Variants in CTSS observed in about 807,000 individuals in gnomAD.
CTSS encodes the protein cathepsin S.
A neutral mutation model predicts 39.9 loss-of-function variants in CTSS; 15 were observed. The observed-to-expected ratio is 0.38, with a 90% CI of 0.25 to 0.58. The LOEUF is 0.58. Among genes scored for constraint, CTSS ranks in the 20% least tolerant of loss-of-function variants. The probability of loss-of-function intolerance (pLI) is 0.70; values close to 1 mark genes in which losing one functional copy is unlikely to be tolerated. For missense variants in CTSS, 250 were observed against 398.2 expected, an observed-to-expected ratio of 0.63 and a Z score of 3.17; for synonymous variants, 126 against 138.2, an observed-to-expected ratio of 0.91 and a Z score of 0.62.
At chr1:150,748,416 C>G (rs587726294) in intron 6 of CTSS, 1 of 152,268 alleles carries the variant, frequency 6.6e-6, no homozygotes, top group East Asian at 1.9e-4. Flanking sequence ...ATAGTTCCCC[C>G]AGAAACCTTC....
Position 150,759,445 on chromosome 1 carries a change from G to T in CTSS, c.127-1465C>A, listed in dbSNP as rs1057397505. Among the ~76,000 whole-genome samples the T allele has an allele frequency of 9.2e-4, 139 of 151,738 alleles. 1 individual carries two copies. The highest frequency in any genetic ancestry group is 3.3e-3 in the African/African-American group (137 of 41,348). ...CATATATTTTTCTTTTTATTTCTAG[G>T]TGCTGCATTCTGGGTGAATTCCTCA... On this transcript the variant is annotated intron_variant, in intron 2 of 7. Transcript: ENST00000368985.
intron 2 of CTSS, among the ~76,000 whole-genome samples, chr1:150,762,317 T>C (rs1653283589): frequency 6.6e-6 from 1 of 152,066 alleles, no homozygotes; most frequent in African/African-American, 2.4e-5. Flanking sequence ...TGAAACTATA[T>C]ACAACCACTA....
intron 2 of CTSS, among the ~76,000 whole-genome samples, chr1:150,762,715 A>T (rs902593639): frequency 3.9e-5 from 6 of 152,202 alleles, no homozygotes; most frequent in Non-Finnish European, 7.3e-5. Flanking sequence ...AAGTAAAACC[A>T]CAATGAGATA....
intron 7 of CTSS, among the ~76,000 whole-genome samples, chr1:150,739,481 C>T (rs587637857): frequency 6.6e-6 from 1 of 151,932 alleles, no homozygotes; most frequent in Non-Finnish European, 1.5e-5. Flanking sequence ...GAAGCTCAGG[C>T]GGGTAGATGA....
intron 7 of CTSS, among the ~76,000 whole-genome samples, chr1:150,739,955 G>A (rs1195585414): frequency 6.6e-6 from 1 of 152,218 alleles, no homozygotes; most frequent in Non-Finnish European, 1.5e-5. Flanking sequence ...ATCACATTGA[G>A]TTGCAATGGA....
At chr1:150,748,498 T>C (rs770284909) in intron 6 of CTSS, among the ~76,000 whole-genome samples, 2 of 152,154 alleles carry the variant, frequency 1.3e-5, no homozygotes, top group Non-Finnish European at 2.9e-5. Flanking sequence ...TAAACTTGCA[T>C]ACAATCAGTT....
chr1:150,750,887 C>T (rs1652993753), intron 5 of CTSS, among the ~76,000 whole-genome samples: 1 of 152,102 alleles, frequency 6.6e-6, no homozygotes, highest in Admixed American at 6.6e-5. Flanking sequence ...AGCAATCCTC[C>T]CACCTCGACC....
chr1:150,751,714 CCAGCA>C (rs1319611760), intron 5 of CTSS, 62 bp downstream of exon 5: 1 of 1,435,658 alleles, frequency 7.0e-7, no homozygotes, highest in Non-Finnish European at 9.8e-7. Flanking sequence ...GGTGGCAAGC[CCAGCA>C]CAGTCAGTCA....
chr1:150,753,328 A>C (rs1355245801), intron 4 of CTSS, among the ~76,000 whole-genome samples: 1 of 152,238 alleles, frequency 6.6e-6, no homozygotes, highest in Non-Finnish European at 1.5e-5. Context: ...CTAAAGGAAA[A>C]TACAACAGCA....
chr1:150,744,590 T>C (rs1485373531), intron 7 of CTSS, among the ~76,000 whole-genome samples: 1 of 124,982 alleles, frequency 8.0e-6, no homozygotes, highest in Non-Finnish European at 1.6e-5. Context: ...TTATATATTA[T>C]ATATGTATAT....
intron 7 of CTSS, among the ~76,000 whole-genome samples, chr1:150,744,604 GTATTA>G (rs587655505): frequency 1.1e-3 from 127 of 112,544 alleles, no homozygotes; most frequent in Admixed American, 2.4e-3. Flanking sequence ...TGTATATTAT[GTATTA>G]TATTATATAT....
intron 7 of CTSS, 135 bp downstream of exon 7, chr1:150,747,642 C>A (rs1652916574): frequency 1.5e-6 from 1 of 648,700 alleles, no homozygotes; most frequent in South Asian, 1.9e-5. Context: ...TTTAGAATGT[C>A]ACTTTGTAAG....
At position 150,732,747 on chromosome 1, in the gene CTSS, A is replaced by G; in HGVS notation, c.*299T>C. On this transcript the variant is annotated 3_prime_UTR_variant, in exon 8 of 8. Transcript: ENST00000368985. ...CTCAGCCTCCCAAGTAGCTGGGATT[A>G]CAGGCATGCACCACCGTGCTCGGCT... The G allele has an allele frequency of 4.9e-6, 1 of 203,408 alleles. No homozygotes were observed. Among genetic ancestry groups the G allele is most frequent in the Non-Finnish European group, 1.0e-5 (1 of 99,846 alleles). The allele number at this position is 203,408 out of a possible 1,614,324, so 12.6% of individuals were successfully genotyped here. A position where few individuals can be genotyped will look rare whatever the true frequency, so the allele number is the denominator to read the frequency against.
chr1:150,748,017 C>T, intron 6 of CTSS, 138 bp from the exon 7 acceptor site: 1 of 590,614 alleles, frequency 1.7e-6, no homozygotes, highest in Non-Finnish European at 3.0e-6. Flanking sequence ...CATGTCCAGG[C>T]ATGGTGGCTC....
chr1:150,748,062 C>T (rs1051244547), intron 6 of CTSS, 183 bp from the exon 7 acceptor site: 25 of 491,266 alleles, frequency 5.1e-5, no homozygotes, highest in East Asian at 2.2e-4. Context: ...GAGGCCAAGG[C>T]GGGCGGGTCA....
At chr1:150,744,672 A>G (rs1652856271) in intron 7 of CTSS, among the ~76,000 whole-genome samples, 1 of 142,912 alleles carries the variant, frequency 7.0e-6, no homozygotes, top group Non-Finnish European at 1.5e-5. Context: ...TATATTATGT[A>G]TGCATACATA....
At chr1:150,744,461 C>A in intron 7 of CTSS, among the ~76,000 whole-genome samples, 2 of 33,948 alleles carry the variant, frequency 5.9e-5, no homozygotes, top group African/African-American at 9.6e-5. Flanking sequence ...ATTATGTATA[C>A]ATAATATATT....
At chr1:150,737,899 G>A (rs1652668235) in intron 7 of CTSS, among the ~76,000 whole-genome samples, 1 of 152,164 alleles carries the variant, frequency 6.6e-6, no homozygotes, top group Non-Finnish European at 1.5e-5. Context: ...CAAAGACCTG[G>A]ATAAAGGGCT....
intron 7 of CTSS, among the ~76,000 whole-genome samples, chr1:150,739,049 C>T (rs2101910783): frequency 6.6e-6 from 1 of 152,150 alleles, no homozygotes; most frequent in East Asian, 1.9e-4. Context: ...ACAAAATTAG[C>T]AGGGTGTGGT....
Sources: gnomAD v4.1 joint callset for allele counts (sites outside exome capture counted in the v4.1 genomes callset) on GRCh38, gnomAD v4.1.1 for gene constraint, MANE v1.5 for transcripts, NCBI Gene and HGNC (gene_info 2026-07-23, HGNC 2026-07-21) for gene names.